SUSD6: variants seen among roughly 807,000 people sequenced by gnomAD.
SUSD6 encodes the protein sushi domain-containing protein 6.
Under a neutral mutation model 28.4 loss-of-function variants are expected in SUSD6, and 16 were observed. The ratio of observed to expected loss-of-function variants is 0.56; its 90% CI spans 0.38 to 0.86. The LOEUF is 0.86. SUSD6 is among the 40% of genes least tolerant of loss of function. SUSD6 has a pLI of 0.00. For missense variants in SUSD6, 341 were observed against 384.2 expected (o/e 0.89, Z 0.94); for synonymous variants, 147 against 159.6 (o/e 0.92, Z 0.59).
Position 69,680,867 on chromosome 14 carries a change from G to A in SUSD6, c.121+22154G>A, listed in dbSNP as rs148257536. On this transcript the variant is annotated intron_variant, in intron 2 of 5. Coordinates refer to ENST00000342745, the MANE Select transcript of SUSD6 (RefSeq NM_014734.4). ...GATTCCTTTAGTCTTCCCACTGATA[G>A]CCTTTCCAGTCAAAACGAAGACTCA... Among the ~76,000 whole-genome samples the A allele has an allele frequency of 7.2e-4, 110 of 152,290 alleles. 1 individual carries two copies. In the South Asian group the frequency reaches 0.015, roughly 21 times the overall value.
chr14:69,625,786 T>C (rs1885106156), intron 1 of SUSD6, among the ~76,000 whole-genome samples: 1 of 152,212 alleles, frequency 6.6e-6, no homozygotes, highest in Non-Finnish European at 1.5e-5. Flanking sequence ...GGCTCAGTTC[T>C]CTGAACTCTG....
chr14:69,709,396 G>A (rs994769253), intron 5 of SUSD6, among the ~76,000 whole-genome samples: 2 of 152,100 alleles, frequency 1.3e-5, no homozygotes, highest in African/African-American at 4.8e-5. Context: ...TGGAGTTGGG[G>A]GTGGGGTCTG....
chr14:69,677,490 T>C (rs1885929166), intron 2 of SUSD6, among the ~76,000 whole-genome samples: 1 of 148,274 alleles, frequency 6.7e-6, no homozygotes, highest in South Asian at 2.1e-4. Context: ...GAGCTTCCAG[T>C]GAGCCAAGAT....
chr14:69,696,198 T>C (rs1330092899), intron 2 of SUSD6, among the ~76,000 whole-genome samples: 1 of 152,232 alleles, frequency 6.6e-6, no homozygotes, highest in Non-Finnish European at 1.5e-5. Context: ...GAGTTCCTGG[T>C]GAATCCAGCC....
chr14:69,612,033 T>A (rs1484101025), intron 1 of SUSD6, among the ~76,000 whole-genome samples: 2 of 148,742 alleles, frequency 1.3e-5, no homozygotes, highest in Non-Finnish European at 3.0e-5. Context: ...AGCCCCGCGC[T>A]GGCGTGGCGC....
At chr14:69,703,929 G>A (rs1489265972) in intron 3 of SUSD6, 3 of 283,974 alleles carry the variant, frequency 1.1e-5, no homozygotes, top group Non-Finnish European at 2.0e-5. Flanking sequence ...CTAATGTATC[G>A]TCCATTTCAT....
chr14:69,681,420 T>A lies in SUSD6; in HGVS notation c.122-21975T>A, dbSNP rs1369958179. On this transcript the variant is annotated intron_variant, in intron 2 of 5. Coordinates refer to ENST00000342745, the MANE Select transcript of SUSD6 (RefSeq NM_014734.4). Reference sequence around the variant, plus strand: ...CTGTTAGACATGCAAATTAAGCAGATTAACTTATTTTCTGAAAGAGCTTTA... The same window carrying A: ...CTGTTAGACATGCAAATTAAGCAGAATAACTTATTTTCTGAAAGAGCTTTA... Among the ~76,000 whole-genome samples, 3 of 152,176 alleles carry A rather than the reference T, an allele frequency of 2.0e-5. No homozygotes were observed. The East Asian group carries it at 5.8e-4, about 29-fold the overall frequency.
chr14:69,653,747 C>CTTTTTTTTTT (rs3048700), intron 1 of SUSD6, among the ~76,000 whole-genome samples: 1,211 of 93,176 alleles, frequency 0.013, 17 homozygotes, highest in Middle Eastern at 0.021. Flanking sequence ...CCTAGTGAAA[C>CTTTTTTTTTT]TTTTTTTTTT....
chr14:69,680,009 G>C (rs1279951599), intron 2 of SUSD6, among the ~76,000 whole-genome samples: 3 of 152,174 alleles, frequency 2.0e-5, no homozygotes, highest in African/African-American at 7.2e-5. Context: ...CAGTATGTGG[G>C]AATAGGGATT....
chr14:69,626,114 G>A (rs964977765), intron 1 of SUSD6, among the ~76,000 whole-genome samples: 1 of 151,942 alleles, frequency 6.6e-6, no homozygotes, highest in African/African-American at 2.4e-5. Flanking sequence ...ATTTTGAGAG[G>A]GGGGAAAAAA....
At chr14:69,645,529 A>G (rs1885413401) in intron 1 of SUSD6, among the ~76,000 whole-genome samples, 1 of 152,206 alleles carries the variant, frequency 6.6e-6, no homozygotes, top group South Asian at 2.1e-4. Flanking sequence ...TGCTAAACAC[A>G]GAGTGTGGAA....
At chr14:69,668,173 G>GTTT in intron 2 of SUSD6, among the ~76,000 whole-genome samples, 1 of 152,336 alleles carries the variant, frequency 6.6e-6, no homozygotes, top group Admixed American at 6.5e-5. Flanking sequence ...ACGTGAAAGT[G>GTTT]TTTTCATGCC....
chr14:69,627,994 C>T (rs1159702489), intron 1 of SUSD6, among the ~76,000 whole-genome samples: 1 of 151,140 alleles, frequency 6.6e-6, no homozygotes, highest in Admixed American at 6.6e-5. Context: ...AGGGCAGTGG[C>T]GCGATCTTGA....
chr14:69,667,143 T>G (rs2139620303), intron 2 of SUSD6, among the ~76,000 whole-genome samples: 1 of 152,312 alleles, frequency 6.6e-6, no homozygotes, highest in South Asian at 2.1e-4. Flanking sequence ...TGTTGCACAC[T>G]AGACTATGAC....
chr14:69,688,182 C>T (rs145405192), intron 2 of SUSD6, among the ~76,000 whole-genome samples: 51 of 152,302 alleles, frequency 3.3e-4, no homozygotes, highest in African/African-American at 1.2e-3. Context: ...CCTCTTCCAC[C>T]TCCCTCTTGA....
chr14:69,691,956 T>C (rs1166045597), intron 2 of SUSD6, among the ~76,000 whole-genome samples: 4 of 151,704 alleles, frequency 2.6e-5, no homozygotes, highest in Admixed American at 1.3e-4. Context: ...GGAGAATTGC[T>C]TGAACCCGGG....
At chr14:69,699,277 C>T (rs1002861359) in intron 2 of SUSD6, among the ~76,000 whole-genome samples, 1 of 152,142 alleles carries the variant, frequency 6.6e-6, no homozygotes, top group African/African-American at 2.4e-5. Context: ...AATCTCAGCT[C>T]ACTGCAACCT....
chr14:69,642,640 A>ACCCCGCC (rs1163202755), intron 1 of SUSD6, among the ~76,000 whole-genome samples: 3 of 138,908 alleles, frequency 2.2e-5, no homozygotes, highest in Non-Finnish European at 3.2e-5. Flanking sequence ...TGATTCAATT[A>ACCCCGCC]CCCCGCCCCC....
intron 5 of SUSD6, among the ~76,000 whole-genome samples, chr14:69,709,966 A>C (rs1364022702): frequency 6.6e-6 from 1 of 152,354 alleles, no homozygotes; most frequent in South Asian, 2.1e-4. Context: ...TATCCTGGGC[A>C]TAGTAAATGT....
Sources: gnomAD v4.1 joint callset for allele counts (sites outside exome capture counted in the v4.1 genomes callset) on GRCh38, gnomAD v4.1.1 for gene constraint, MANE v1.5 for transcripts, NCBI Gene and HGNC (gene_info 2026-07-23, HGNC 2026-07-21) for gene names.